The following ZNF829 variants were observed in gnomAD, a reference collection of about 807,000 sequenced individuals.
ZNF829 encodes zinc finger protein 829.
ZNF829 carries 25 observed loss-of-function variants against 35.2 expected under a neutral mutation model. That is an observed-to-expected ratio of 0.71 (90% CI 0.52 to 0.99). The LOEUF (loss-of-function observed/expected upper bound fraction) is 0.99. Among genes scored for constraint, ZNF829 ranks in the 50% least tolerant of loss-of-function variants. The pLI, the probability that ZNF829 is intolerant of heterozygous loss-of-function variation, is 0.00. For missense variants in ZNF829, 417 were observed against 515.3 expected, an observed-to-expected ratio of 0.81 and a Z score of 1.85; for synonymous variants, 136 against 163.2, an observed-to-expected ratio of 0.83 and a Z score of 1.27.
intron 5 of ZNF829, among the ~76,000 whole-genome samples, chr19:36,902,690 A>G (rs1245764374): frequency 1.8e-4 from 27 of 151,834 alleles, no homozygotes; most frequent in Admixed American, 1.5e-3. Flanking sequence ...AAACTATACA[A>G]TTATGTGTTA....
Position 36,892,385 on chromosome 19 carries a change from T to G in ZNF829, c.406A>C (p.Thr136Pro). The stretch of plus-strand genomic sequence containing the variant: ...ATAAGAAATGTGGGCTGAATAAAAG[T>G]AGACATGTCTTCACGGGTAATTATT... ...QVIITREDMS[T>P]FIQPTFLIPP... The change falls in exon 6 of 6, where the codon ACT becomes CCT. Residue 136 changes from threonine (T) to proline (P), a missense_variant. Coordinates refer to ENST00000391711, the MANE Select transcript of ZNF829 (RefSeq NM_001037232.4). The G allele has an allele frequency of 6.2e-7, 1 of 1,613,062 alleles. No individual in the cohort carries two copies. Among genetic ancestry groups the G allele is most frequent in the Non-Finnish European group, 8.5e-7 (1 of 1,179,844 alleles).
rs1394270437 is a variant in ZNF829, at chr19:36,889,303, G to C, written c.*2189C>G. 2.0e-5 allele frequency: 3 copies of C among 152,088 alleles called. No homozygotes were observed. Among genetic ancestry groups the C allele is most frequent in the African/African-American group, 7.2e-5 (3 of 41,408 alleles). The allele number at this position is 152,088 out of a possible 1,614,324, so 9.4% of individuals were successfully genotyped here. A position where few individuals can be genotyped will look rare whatever the true frequency, so the allele number is the denominator to read the frequency against. On this transcript the variant is annotated 3_prime_UTR_variant, in exon 6 of 6. Transcript: ENST00000391711. ...TGGCTTCAGTATCAGGATGATACTG[G>C]CTTTGTAGAATGAGTTAGGGAGGAT...
intron 5 of ZNF829, among the ~76,000 whole-genome samples, chr19:36,901,405 A>G (rs1216722042): frequency 1.3e-5 from 2 of 152,196 alleles, no homozygotes; most frequent in Admixed American, 6.5e-5. Context: ...TGAGGTGATA[A>G]AAATGTTCTA....
chr19:36,906,514 A>C (rs2073216550), intron 5 of ZNF829: 1 of 152,238 alleles, frequency 6.6e-6, no homozygotes, highest in Non-Finnish European at 1.5e-5. Flanking sequence ...ATGCAGAGCA[A>C]TAGTAACCTT....
At chr19:36,901,465 G>C (rs2073164835) in intron 5 of ZNF829, among the ~76,000 whole-genome samples, 1 of 152,092 alleles carries the variant, frequency 6.6e-6, no homozygotes, top group Non-Finnish European at 1.5e-5. Flanking sequence ...AAAAATCACT[G>C]AATTGTACAT....
At chr19:36,910,233 G>A (rs888463617) in intron 3 of ZNF829, among the ~76,000 whole-genome samples, 3 of 151,758 alleles carry the variant, frequency 2.0e-5, no homozygotes, top group Non-Finnish European at 4.4e-5. Flanking sequence ...TACAGGCGCC[G>A]GTCACCACAC....
intron 5 of ZNF829, among the ~76,000 whole-genome samples, chr19:36,904,945 GGGAAAAAGT>G (rs1310766330): frequency 6.6e-6 from 1 of 152,068 alleles, no homozygotes; most frequent in Non-Finnish European, 1.5e-5. Flanking sequence ...ACTGATAGCT[GGGAAAAAGT>G]GAAGATTCAC....
chr19:36,889,218 T>C lies in ZNF829; in HGVS notation c.*2274A>G, dbSNP rs1348842188. On this transcript the variant is annotated 3_prime_UTR_variant, in exon 6 of 6. Coordinates refer to ENST00000391711, the MANE Select transcript of ZNF829 (RefSeq NM_001037232.4). Reference sequence around the variant, plus strand: ...TTTGCTAGTATTTTGCTGAAGATTTTTGTGTCTATTTTCATCAGGGATATT... The same window carrying C: ...TTTGCTAGTATTTTGCTGAAGATTTCTGTGTCTATTTTCATCAGGGATATT... The C allele has an allele frequency of 6.6e-6, 1 of 152,204 alleles. No homozygotes were observed. Among genetic ancestry groups the C allele is most frequent in the Non-Finnish European group, 1.5e-5 (1 of 68,034 alleles). The allele number at this position is 152,204 out of a possible 1,614,324, so 9.4% of individuals were successfully genotyped here.
intron 5 of ZNF829, among the ~76,000 whole-genome samples, chr19:36,904,544 C>T (rs911658503): frequency 3.3e-5 from 5 of 152,018 alleles, no homozygotes; most frequent in Admixed American, 6.6e-5. Flanking sequence ...GGACTACGGG[C>T]GCCTGCCACT....
At position 36,892,249 on chromosome 19, in the gene ZNF829, T is replaced by C. The variant is rs756171887; in HGVS notation, c.542A>G (p.Glu181Gly). Residue 181 changes from glutamate (E) to glycine (G), a missense_variant, in exon 6 of 6, where the codon GAA becomes GGA. Coordinates refer to ENST00000391711, the MANE Select transcript of ZNF829 (RefSeq NM_001037232.4). The part of the protein sequence containing the change: ...FIQHQRIHFG[E>G]KHYESKEYGK... ...ATACTCCTTAGATTCATAGTGTTTT[T>C]CACCAAAATGAATTCTCTGATGTTG... is the stretch of plus-strand genomic sequence containing the variant. 1 of 1,614,066 alleles carries C rather than the reference T, an allele frequency of 6.2e-7. No homozygotes were observed.
chr19:36,892,506 AT>A, intron 5 of ZNF829, 35 bp from the exon 6 acceptor site: 2 of 1,522,724 alleles, frequency 1.3e-6, no homozygotes, highest in Non-Finnish European at 1.7e-6. Context: ...AAATTTTCCT[AT>A]TCTGGGCAAG....
At chr19:36,896,807 A>G (rs1466316714) in intron 5 of ZNF829, among the ~76,000 whole-genome samples, 2 of 152,256 alleles carry the variant, frequency 1.3e-5, no homozygotes, top group Non-Finnish European at 2.9e-5. Flanking sequence ...ACTAGAAATC[A>G]ATAACAAAAA....
intron 3 of ZNF829, among the ~76,000 whole-genome samples, chr19:36,909,239 A>G (rs917989621): frequency 4.6e-5 from 7 of 152,198 alleles, no homozygotes; most frequent in Non-Finnish European, 5.9e-5. Context: ...ACTATAGGAA[A>G]GACATCTCCA....
chr19:36,911,122 G>A (rs1471504871), intron 3 of ZNF829, among the ~76,000 whole-genome samples: 3 of 152,170 alleles, frequency 2.0e-5, no homozygotes, highest in Admixed American at 6.5e-5. Context: ...AGAGTTACGG[G>A]AACCTCTAAA....
Position 36,891,890 on chromosome 19 carries a change from A to G in ZNF829, c.901T>C (p.Cys301Arg), listed in dbSNP as rs954107135. 1 of 1,614,038 alleles carries G rather than the reference A, an allele frequency of 6.2e-7. No homozygotes were observed. Among genetic ancestry groups the G allele is most frequent in the Non-Finnish European group, 8.5e-7 (1 of 1,179,964 alleles). ...GAGTGTTGAGTAAAGGCTTTCCCAC[A>G]TTCTTTACATTCATAAGGTTTCTCA... is the stretch of plus-strand genomic sequence containing the variant. The part of the protein sequence containing the change: ...TGEKPYECKE[C>R]GKAFTQHSRL... Residue 301 changes from cysteine to arginine, a missense_variant, in exon 6 of 6, where the codon TGT (cysteine) becomes CGT (arginine). Physicochemically the swap from Cys to Arg is radical, Grantham distance 180 (BLOSUM62 -3). Transcript: ENST00000391711.
intron 3 of ZNF829, 48 bp from the exon 4 acceptor site, chr19:36,908,507 T>C (rs1331831004): frequency 3.2e-6 from 5 of 1,562,158 alleles, no homozygotes; most frequent in African/African-American, 2.7e-5. Flanking sequence ...AAGAAAAAGA[T>C]GGCGGTAGAG....
chr19:36,915,832 T>C lies in ZNF829; in HGVS notation c.-85+179A>G, dbSNP rs1020002172. The stretch of plus-strand genomic sequence containing the variant: ...GGATGGTCTCGATCTCTTGACCTCG[T>C]GATCCTCCTGCCTCGGCCTCCCAAA... On this transcript the variant is annotated intron_variant, in intron 1 of 5. Transcript: ENST00000391711. 10 of 1,534,504 alleles carry C rather than the reference T, an allele frequency of 6.5e-6. No individual in the cohort carries two copies. In the Admixed American group the frequency reaches 7.8e-5, roughly 12 times the overall value.
At chr19:36,914,831 T>C in intron 3 of ZNF829, 134 bp downstream of exon 3, 1 of 754,992 alleles carries the variant, frequency 1.3e-6, no homozygotes, top group Non-Finnish European at 2.2e-6. Flanking sequence ...GAATAAATAT[T>C]TGAGAAGAAA....
chr19:36,908,528 A>G (rs1217598623), intron 3 of ZNF829, 69 bp from the exon 4 acceptor site: 2 of 1,527,276 alleles, frequency 1.3e-6, no homozygotes, highest in East Asian at 4.5e-5. Context: ...GTGGCAAGAA[A>G]GGACAGAGTA....
Sources: gnomAD v4.1 joint callset for allele counts (sites outside exome capture counted in the v4.1 genomes callset) on GRCh38, gnomAD v4.1.1 for gene constraint, MANE v1.5 for transcripts, NCBI Gene and HGNC (gene_info 2026-07-23, HGNC 2026-07-21) for gene names.